KCNIP4: variants seen among roughly 807,000 people sequenced by gnomAD.
KCNIP4 encodes potassium voltage-gated channel interacting protein 4, also known as Kv channel-interacting protein 4.
Under a neutral mutation model 34.0 loss-of-function variants are expected in KCNIP4, and 12 were observed. That is an observed-to-expected ratio of 0.35 (90% CI 0.23 to 0.57). The LOEUF is 0.57. Ranked by LOEUF, KCNIP4 falls within the 20% of genes least tolerant of loss-of-function variation. The pLI is 0.83. For missense variants in KCNIP4, 238 were observed against 311.7 expected, an observed-to-expected ratio of 0.76 and a Z score of 1.78; for synonymous variants, 124 against 102.2, an observed-to-expected ratio of 1.21 and a Z score of -1.29.
At chr4:21,671,416 T>C (rs1749493656) in intron 1 of KCNIP4, among the ~76,000 whole-genome samples, 3 of 152,190 alleles carry the variant, frequency 2.0e-5, no homozygotes, top group Admixed American at 6.5e-5. Context: ...CTAGTAATAT[T>C]CCCATCATAA....
rs1560393784 is a variant in KCNIP4, at chr4:20,729,619, T to TACAGCA, written c.*462_*463insTGCTGT. ...TTTCCTTAAAGTATATAAATGGAAT[T>TACAGCA]TAAATGGAATTACAGCATTCAAACA... is the stretch of plus-strand genomic sequence containing the variant. On this transcript the variant is annotated 3_prime_UTR_variant, in exon 9 of 9. Transcript: ENST00000382152. 1.4e-5 allele frequency: 1 copy of TACAGCA among 69,920 alleles called. No individual in the cohort carries two copies. Among genetic ancestry groups the TACAGCA allele is most frequent in the African/African-American group, 7.5e-5 (1 of 13,320 alleles). The allele number at this position is 69,920 out of a possible 1,614,324, so 4.3% of individuals were successfully genotyped here.
Position 20,764,619 on chromosome 4 carries a change from C to T in KCNIP4, c.289-5729G>A, listed in dbSNP as rs145792377. ...ACGCTGCATCCATTCGTGCTGCCAC[C>T]GCAGCTTTATGAGAAAGTCTCACAC... On this transcript the variant is annotated intron_variant, in intron 3 of 8. Transcript: ENST00000382152. 5.9e-4 allele frequency among the ~76,000 whole-genome samples: 89 copies of T among 151,554 alleles called. 1 individual carries two copies. In the East Asian group the frequency reaches 0.014, roughly 24 times the overall value.
intron 1 of KCNIP4, among the ~76,000 whole-genome samples, chr4:21,194,460 C>T (rs1755907694): frequency 6.6e-6 from 1 of 152,278 alleles, no homozygotes; most frequent in Non-Finnish European, 1.5e-5. Flanking sequence ...CAACCTCTAT[C>T]TTAACTCAGC....
intron 3 of KCNIP4, among the ~76,000 whole-genome samples, chr4:20,811,938 G>A (rs905786762): frequency 8.5e-5 from 13 of 152,134 alleles, no homozygotes; most frequent in African/African-American, 3.1e-4. Context: ...AAGAAGCAAA[G>A]GAAGAGCAGA....
rs114173320 is a variant in KCNIP4, at chr4:21,265,238, G to A, written c.62-382529C>T. On this transcript the variant is annotated intron_variant, in intron 1 of 8. Coordinates refer to ENST00000382152, the MANE Select transcript of KCNIP4 (RefSeq NM_025221.6). The stretch of plus-strand genomic sequence containing the variant: ...GCACCAGCACAGGCAAAAGCAGGCA[G>A]GAGGGAAGCTACTGGTTGTTTACCT... Among the ~76,000 whole-genome samples the A allele has an allele frequency of 3.2e-3, 493 of 152,236 alleles. 2 individuals are homozygous for A. Among genetic ancestry groups the A allele is most frequent in the African/African-American group, 0.011 (473 of 41,536 alleles).
At chr4:21,318,674 G>A (rs1714046130) in intron 1 of KCNIP4, among the ~76,000 whole-genome samples, 1 of 151,942 alleles carries the variant, frequency 6.6e-6, no homozygotes, top group South Asian at 2.1e-4. Context: ...TTTTTTTGCA[G>A]TGCTTTTTGA....
chr4:20,805,192 T>C (rs967137812), intron 3 of KCNIP4, among the ~76,000 whole-genome samples: 4,294 of 115,554 alleles, frequency 0.037, 143 homozygotes, highest in East Asian at 0.076. Context: ...CTTCCTTTTT[T>C]TTTTTTTTTT....
chr4:21,694,933 A>T (rs866384471), intron 1 of KCNIP4, among the ~76,000 whole-genome samples: 2 of 61,456 alleles, frequency 3.3e-5, no homozygotes. Context: ...AAAAAAAATA[A>T]AAATAAATAA....
At chr4:21,105,647 T>G (rs1748448248) in intron 1 of KCNIP4, among the ~76,000 whole-genome samples, 3 of 151,780 alleles carry the variant, frequency 2.0e-5, no homozygotes, top group Admixed American at 1.3e-4. Flanking sequence ...ATAGGAGTGG[T>G]GGGAGAGGGT....
At chr4:20,861,729 A>G (rs1722215628) in intron 2 of KCNIP4, among the ~76,000 whole-genome samples, 1 of 152,170 alleles carries the variant, frequency 6.6e-6, no homozygotes, top group African/African-American at 2.4e-5. Context: ...TAGGAGAATG[A>G]GAATTGCTTT....
At chr4:21,197,115 A>G (rs746540294) in intron 1 of KCNIP4, among the ~76,000 whole-genome samples, 1 of 152,238 alleles carries the variant, frequency 6.6e-6, no homozygotes, top group Non-Finnish European at 1.5e-5. Context: ...AAGCCGTATA[A>G]TATTCAATTA....
At chr4:21,767,329 G>C (rs1211301488) in intron 1 of KCNIP4, among the ~76,000 whole-genome samples, 1 of 151,984 alleles carries the variant, frequency 6.6e-6, no homozygotes, top group East Asian at 1.9e-4. Context: ...TCAGAGCAGG[G>C]TGGGGCAGAG....
intron 1 of KCNIP4, among the ~76,000 whole-genome samples, chr4:21,283,039 G>C (rs1471411949): frequency 6.6e-6 from 1 of 151,986 alleles, no homozygotes; most frequent in African/African-American, 2.4e-5. Flanking sequence ...TACATCAATG[G>C]GTCACAAATG....
chr4:20,756,782 A>G (rs958414985), intron 4 of KCNIP4, among the ~76,000 whole-genome samples: 4 of 151,942 alleles, frequency 2.6e-5, no homozygotes, highest in African/African-American at 4.8e-5. Context: ...TTTCTGAACT[A>G]TCTATCTCTC....
rs114379219 is a variant in KCNIP4 at position 21,513,089 on chromosome 4, C to T, written c.61+435482G>A. ...CATTCCACCTCCACTCACCTGATACCACTATGTTCCAGGCAGAGAAACACT... is the reference window on the plus strand; with the variant it reads ...CATTCCACCTCCACTCACCTGATACTACTATGTTCCAGGCAGAGAAACACT... On this transcript the variant is annotated intron_variant, in intron 1 of 8. Coordinates refer to ENST00000382152, the MANE Select transcript of KCNIP4 (RefSeq NM_025221.6). 6.5e-3 allele frequency among the ~76,000 whole-genome samples: 984 copies of T among 152,284 alleles called. 8 individuals carry two copies. The highest frequency in any genetic ancestry group is 0.023 in the African/African-American group (944 of 41,564).
At chr4:21,407,097 G>A (rs1724060783) in intron 1 of KCNIP4, among the ~76,000 whole-genome samples, 1 of 151,966 alleles carries the variant, frequency 6.6e-6, no homozygotes, top group Non-Finnish European at 1.5e-5. Context: ...TATATGGAGT[G>A]ACAAGGATCT....
intron 1 of KCNIP4, among the ~76,000 whole-genome samples, chr4:21,327,518 G>T (rs1009302207): frequency 2.0e-5 from 3 of 152,004 alleles, no homozygotes; most frequent in African/African-American, 4.8e-5. Context: ...TAAATGTTTT[G>T]AAGTAGTGTT....
At chr4:21,813,319 G>C (rs1016473022) in intron 1 of KCNIP4, among the ~76,000 whole-genome samples, 7 of 152,028 alleles carry the variant, frequency 4.6e-5, no homozygotes, top group African/African-American at 1.7e-4. Context: ...ATTTTAACAA[G>C]AACAAATAGT....
At chr4:21,075,235 G>A (rs908985084) in intron 1 of KCNIP4, among the ~76,000 whole-genome samples, 1 of 152,082 alleles carries the variant, frequency 6.6e-6, no homozygotes, top group East Asian at 1.9e-4. Context: ...GTTGACAGTG[G>A]GGTGTTAAAG....
Sources: gnomAD v4.1 joint callset for allele counts (sites outside exome capture counted in the v4.1 genomes callset) on GRCh38, gnomAD v4.1.1 for gene constraint, MANE v1.5 for transcripts, NCBI Gene and HGNC (gene_info 2026-07-23, HGNC 2026-07-21) for gene names.